The following LIMS1 variants were observed in gnomAD, a reference collection of about 807,000 sequenced individuals.
LIMS1 encodes the protein LIM zinc finger domain containing 1.
A neutral mutation model predicts 44.1 loss-of-function variants in LIMS1; 18 were observed. The observed-to-expected ratio is 0.41, with a 90% confidence interval of 0.28 to 0.61. The LOEUF is 0.61. Among genes scored for constraint, LIMS1 ranks in the 20% least tolerant of loss-of-function variants. The pLI, the probability that LIMS1 is intolerant of heterozygous loss-of-function variation, is 0.32. For missense variants in LIMS1, 201 were observed against 422.0 expected (o/e 0.48, Z 4.59); for synonymous variants, 93 against 149.1 (o/e 0.62, Z 2.74).
intron 1 of LIMS1, among the ~76,000 whole-genome samples, chr2:108,556,974 C>T (rs1229020225): frequency 6.6e-6 from 1 of 152,214 alleles, no homozygotes; most frequent in East Asian, 1.9e-4. Context: ...CCCCCTGACC[C>T]CTTCTTTAAA....
intron 1 of LIMS1, among the ~76,000 whole-genome samples, chr2:108,609,469 G>A (rs921073996): frequency 6.6e-5 from 10 of 152,088 alleles, no homozygotes; most frequent in Admixed American, 5.2e-4. Context: ...CCGGCTCCCC[G>A]CAGTCATTGC....
intron 1 of LIMS1, among the ~76,000 whole-genome samples, chr2:108,574,473 T>C (rs1685598218): frequency 6.6e-6 from 1 of 152,156 alleles, no homozygotes; most frequent in Admixed American, 6.5e-5. Flanking sequence ...CTCCGAGAGC[T>C]CTGACCCAAA....
At chr2:108,549,252 C>T (rs1159099112) in intron 1 of LIMS1, among the ~76,000 whole-genome samples, 3 of 119,768 alleles carry the variant, frequency 2.5e-5, no homozygotes, top group African/African-American at 9.5e-5. Flanking sequence ...TGGATTATTT[C>T]AATAATAATG....
At position 108,588,544 on chromosome 2, in the gene LIMS1, A is replaced by G. The variant is rs140889831; in HGVS notation, c.32+53950A>G. On this transcript the variant is annotated intron_variant, in intron 1 of 9. Coordinates refer to ENST00000544547, the Ensembl canonical transcript of LIMS1. ...TTTGCAGAACTGGGCCTGTGTGTGT[A>G]AAGTGACTAAGGCAAAGGAGTGGAA... is the stretch of plus-strand genomic sequence containing the variant. 3.3e-3 allele frequency: 3,281 copies of G among 985,626 alleles called. 7 individuals carry two copies. The highest frequency in any genetic ancestry group is 3.7e-3 in the Non-Finnish European group (3,033 of 829,914). 61.1% of individuals were successfully genotyped at this position (985,626 alleles called of 1,614,324 possible). A position where few individuals can be genotyped will look rare whatever the true frequency, so the allele number is the denominator to read the frequency against.
chr2:108,601,905 G>A (rs544951744), intron 1 of LIMS1, among the ~76,000 whole-genome samples: 1 of 152,282 alleles, frequency 6.6e-6, no homozygotes, highest in South Asian at 2.1e-4. Context: ...GAGTAGTATG[G>A]ACATATTAAC....
chr2:108,585,150 C>CA (rs35679577), intron 1 of LIMS1, among the ~76,000 whole-genome samples: 32,616 of 69,066 alleles, frequency 0.47, 7,036 homozygotes, highest in Middle Eastern at 0.61. Flanking sequence ...GACTCCGTCT[C>CA]AAAAAAAAAA....
chr2:108,564,404 C>T (rs570647322), intron 1 of LIMS1, among the ~76,000 whole-genome samples: 18 of 152,236 alleles, frequency 1.2e-4, no homozygotes, highest in African/African-American at 3.1e-4. Flanking sequence ...GATACGCACT[C>T]CATTGTGGTG....
intron 1 of LIMS1, among the ~76,000 whole-genome samples, chr2:108,652,709 G>T (rs559582606): frequency 6.6e-6 from 1 of 152,142 alleles, no homozygotes; most frequent in Non-Finnish European, 1.5e-5. Context: ...CTCCTGTACT[G>T]TAGTCACGTA....
intron 2 of LIMS1, among the ~76,000 whole-genome samples, chr2:108,669,102 A>G (rs1326171015): frequency 2.0e-5 from 3 of 152,216 alleles, no homozygotes; most frequent in Non-Finnish European, 4.4e-5. Context: ...ATTACAGCTT[A>G]TTCATTTGAA....
intron 1 of LIMS1, among the ~76,000 whole-genome samples, chr2:108,626,367 A>G (rs894197158): frequency 6.6e-6 from 1 of 152,224 alleles, no homozygotes; most frequent in African/African-American, 2.4e-5. Context: ...ACATGGGACA[A>G]TTAATAAGAA....
At chr2:108,621,424 A>G in intron 1 of LIMS1, 2 of 1,551,250 alleles carry the variant, frequency 1.3e-6, no homozygotes, top group Middle Eastern at 1.7e-4. Flanking sequence ...TCGCCCCGAT[A>G]GTTTGAGAGT....
chr2:108,686,308 G>A (rs1430583305), exon 10 of LIMS1: 1 of 151,922 alleles, frequency 6.6e-6, no homozygotes, highest in East Asian at 1.9e-4. Flanking sequence ...AACAGAGCAA[G>A]ACTCTGTCTC....
intron 1 of LIMS1, among the ~76,000 whole-genome samples, chr2:108,633,622 G>C (rs991280360): frequency 1.3e-5 from 2 of 152,150 alleles, no homozygotes; most frequent in Non-Finnish European, 2.9e-5. Flanking sequence ...TTTATGAGCT[G>C]CCATAAAAGA....
chr2:108,626,582 C>T (rs1046264485), intron 1 of LIMS1, among the ~76,000 whole-genome samples: 4 of 152,124 alleles, frequency 2.6e-5, no homozygotes, highest in Non-Finnish European at 4.4e-5. Flanking sequence ...AGAGACTTTA[C>T]CATATTTCCT....
At chr2:108,647,504 A>G (rs1339939211) in intron 1 of LIMS1, among the ~76,000 whole-genome samples, 1 of 152,230 alleles carries the variant, frequency 6.6e-6, no homozygotes, top group Non-Finnish European at 1.5e-5. Context: ...TGGCAGAGAC[A>G]CAACAAAAAA....
intron 1 of LIMS1, among the ~76,000 whole-genome samples, chr2:108,536,132 A>G (rs62148156): frequency 0.015 from 2,269 of 152,310 alleles, 32 homozygotes; most frequent in Non-Finnish European, 0.02. Flanking sequence ...AAGACCTTCA[A>G]ACCTCTCTGG....
intron 1 of LIMS1, among the ~76,000 whole-genome samples, chr2:108,602,480 G>A (rs1407707101): frequency 6.6e-6 from 1 of 152,150 alleles, no homozygotes; most frequent in Non-Finnish European, 1.5e-5. Flanking sequence ...CCAGTTTTTT[G>A]AGGGTTTTTT....
intron 1 of LIMS1, among the ~76,000 whole-genome samples, chr2:108,639,431 A>C (rs968347585): frequency 1.3e-5 from 2 of 152,234 alleles, no homozygotes; most frequent in Non-Finnish European, 2.9e-5. Context: ...ATTTAAGATC[A>C]TATATCATAT....
Position 108,675,086 on chromosome 2 carries a change from A to C in LIMS1, c.531-792A>C, listed in dbSNP as rs1692441171. Among the ~76,000 whole-genome samples, 6 of 152,200 alleles carry C rather than the reference A, an allele frequency of 3.9e-5. No individual in the cohort carries two copies. In the South Asian group the frequency reaches 1.2e-3, roughly 32 times the overall value. On this transcript the variant is annotated intron_variant, in intron 5 of 9. Coordinates refer to ENST00000544547, the Ensembl canonical transcript of LIMS1. ...ATTTTCAACAGCTTGTGACAATTTA[A>C]ATAATTGTTAGTAAATGGAACTAGT... is the stretch of plus-strand genomic sequence containing the variant.
Sources: gnomAD v4.1 joint callset for allele counts (sites outside exome capture counted in the v4.1 genomes callset) on GRCh38, gnomAD v4.1.1 for gene constraint, MANE v1.5 for transcripts, NCBI Gene and HGNC (gene_info 2026-07-23, HGNC 2026-07-21) for gene names.